The following DYSF variants were observed in gnomAD, a reference collection of about 807,000 sequenced individuals.
DYSF encodes the protein dystrophy-associated fer-1-like 1.
DYSF carries 212 observed loss-of-function variants against 274.9 expected under a neutral mutation model. The ratio of observed to expected loss-of-function variants is 0.77; its 90% CI spans 0.69 to 0.86. The LOEUF (loss-of-function observed/expected upper bound fraction) is 0.86. Among genes scored for constraint, DYSF ranks in the 40% least tolerant of loss-of-function variants. DYSF has a pLI of 0.00. For missense variants in DYSF, 2,666 were observed against 2,783.2 expected (o/e 0.96, Z 0.95); for synonymous variants, 1,091 against 1,078.7 (o/e 1.01, Z -0.22).
chr2:71,633,581 T>C (rs2094349094), intron 41 of DYSF, among the ~76,000 whole-genome samples: 1 of 152,188 alleles, frequency 6.6e-6, no homozygotes, highest in Admixed American at 6.5e-5. Flanking sequence ...TATGTTACTA[T>C]CTTGATGATG....
chr2:71,603,968 C>T (rs1420241113), intron 36 of DYSF, among the ~76,000 whole-genome samples: 1 of 152,206 alleles, frequency 6.6e-6, no homozygotes, highest in East Asian at 1.9e-4. Flanking sequence ...AAAACTGCAG[C>T]TCATGGGCCA....
chr2:71,537,223 G>GTTTTTTT lies in DYSF; in HGVS notation c.1494-1917_1494-1911dup, dbSNP rs71402990. On this transcript the variant is annotated intron_variant, in intron 16 of 55. Transcript: ENST00000410020. ...CAGGAAATTTTTACTTTCTAGTTTT[G>GTTTTTTT]TTTTTTTTTTTTTTTTTTTTTTTGC... is the stretch of plus-strand genomic sequence containing the variant. 8.7e-3 allele frequency among the ~76,000 whole-genome samples: 695 copies of GTTTTTTT among 79,484 alleles called. 10 individuals carry two copies. The highest frequency in any genetic ancestry group is 0.01 in the Non-Finnish European group (424 of 42,192). 52.1% of individuals were successfully genotyped at this position (79,484 alleles called of 152,430 possible). A position where few individuals can be genotyped will look rare whatever the true frequency, so the allele number is the denominator to read the frequency against.
At chr2:71,669,468 A>G (rs978392420) in intron 50 of DYSF, 137 bp from the exon 51 acceptor site, 3 of 1,138,276 alleles carry the variant, frequency 2.6e-6, no homozygotes, top group African/African-American at 3.1e-5. Flanking sequence ...CATTTTGTAC[A>G]TCGTGCCGAT....
chr2:71,672,327 G>A (rs1207121278), intron 51 of DYSF, among the ~76,000 whole-genome samples: 1 of 152,136 alleles, frequency 6.6e-6, no homozygotes, highest in African/African-American at 2.4e-5. Context: ...GAGTCTGGAT[G>A]GGTTCGTGCA....
intron 27 of DYSF, 130 bp downstream of exon 27, chr2:71,570,064 C>A: frequency 9.0e-7 from 1 of 1,106,834 alleles, no homozygotes; most frequent in South Asian, 1.3e-5. Flanking sequence ...CTTTGATTTC[C>A]AAAGGGAAAG....
chr2:71,462,587 G>A (rs1020321956), upstream of DYSF, among the ~76,000 whole-genome samples: 1 of 152,222 alleles, frequency 6.6e-6, no homozygotes, highest in Non-Finnish European at 1.5e-5. Flanking sequence ...CTATGTCCAG[G>A]AAGAATAGGT....
At chr2:71,533,806 G>T (rs141756745) in intron 14 of DYSF, among the ~76,000 whole-genome samples, 3 of 152,360 alleles carry the variant, frequency 2.0e-5, no homozygotes, top group African/African-American at 7.2e-5. Flanking sequence ...TTATGAATCT[G>T]ATGGGTGAGG....
chr2:71,473,389 G>A (rs1270067906), intron 1 of DYSF, among the ~76,000 whole-genome samples: 2 of 152,196 alleles, frequency 1.3e-5, no homozygotes, highest in African/African-American at 4.8e-5. Flanking sequence ...GAAACGCCCT[G>A]CACAAAGTAA....
chr2:71,658,726 G>A, intron 43 of DYSF, 152 bp from the exon 44 acceptor site: 1 of 842,870 alleles, frequency 1.2e-6, no homozygotes, highest in Non-Finnish European at 1.9e-6. Context: ...GGAAAGACTG[G>A]CCCCCATGAT....
intron 36 of DYSF, among the ~76,000 whole-genome samples, 166 bp from the exon 37 acceptor site, chr2:71,611,079 A>T (rs2093748866): frequency 1.3e-5 from 2 of 152,006 alleles, no homozygotes; most frequent in African/African-American, 4.8e-5. Context: ...GCCGAAACTG[A>T]CTTAGCTTTT....
intron 24 of DYSF, among the ~76,000 whole-genome samples, chr2:71,565,762 C>A (rs2092059889): frequency 6.6e-6 from 1 of 152,202 alleles, no homozygotes; most frequent in Non-Finnish European, 1.5e-5. Context: ...GTTGTCTTAT[C>A]ATCTGTAAAA....
At position 71,570,652 on chromosome 2, in the gene DYSF, C is replaced by G. The variant is rs1358370392; in HGVS notation, c.3139C>G (p.Pro1047Ala). The G allele has an allele frequency of 2.9e-5, 46 of 1,614,000 alleles. No individual in the cohort carries two copies. In the Admixed American group the frequency reaches 6.5e-4, roughly 23 times the overall value. The change falls in exon 29 of 56, where the codon CCT becomes GCT. Residue 1047 changes from proline to alanine, a missense_variant. Around this residue, in one of 3 missense-constraint regions of DYSF, gnomAD observed 1,460 missense variants for 1,502.1 expected, o/e 0.97. Coordinates refer to ENST00000410020, the MANE Select transcript of DYSF (RefSeq NM_001130987.2). Reference sequence around the variant, plus strand: ...GGAGCGGAAGCCGAAGCACTGGGTCCCTGCTGAGAAGATGTACTACACACA... The same window carrying G: ...GGAGCGGAAGCCGAAGCACTGGGTCGCTGCTGAGAAGATGTACTACACACA... Reference protein sequence around the residue: ...PPERKPKHWVPAEKMYYTHRR... With the variant: ...PPERKPKHWVAAEKMYYTHRR...
intron 29 of DYSF, 31 bp from the exon 30 acceptor site, chr2:71,574,167 G>C (rs72902605): frequency 6.2e-7 from 1 of 1,609,824 alleles, no homozygotes; most frequent in African/African-American, 1.3e-5. Flanking sequence ...CCTTCCCACC[G>C]GCCTCTGAGT....
chr2:71,528,940 C>G lies in DYSF; in HGVS notation c.1380+539C>G, dbSNP rs570561278. On this transcript the variant is annotated intron_variant, in intron 14 of 55. Coordinates refer to ENST00000410020, the MANE Select transcript of DYSF (RefSeq NM_001130987.2). ...TCTCTCCACACAGGCTGCCCACCCC[C>G]CAGTGTCTGTGCACCCCCCACAGGC... Among the ~76,000 whole-genome samples the G allele has an allele frequency of 3.6e-4, 55 of 152,190 alleles. No homozygotes were observed. In the South Asian group the frequency reaches 0.011, roughly 30 times the overall value.
chr2:71,651,956 A>G (rs1241869253), intron 42 of DYSF, among the ~76,000 whole-genome samples: 15 of 152,218 alleles, frequency 9.9e-5, no homozygotes, highest in Non-Finnish European at 2.2e-4. Flanking sequence ...GATGATTTAT[A>G]AGATCAAGTA....
chr2:71,615,814 C>T lies in DYSF; in HGVS notation c.4464+2404C>T, dbSNP rs2093868637. Among the ~76,000 whole-genome samples, 1 of 152,166 alleles carries T rather than the reference C, an allele frequency of 6.6e-6. No homozygotes were observed. On this transcript the variant is annotated intron_variant, in intron 40 of 55. Coordinates refer to ENST00000410020, the MANE Select transcript of DYSF (RefSeq NM_001130987.2). The surrounding 1 kb of genome is among the most constrained non-coding windows in gnomAD (Gnocchi z 4.9). ...TCTGGGGACAGGAGGGACGAGAGGT[C>T]TGGCAGAATCTGGATTTTGGCTGGC... is the stretch of plus-strand genomic sequence containing the variant.
At chr2:71,663,047 A>ATATTTGTGTGTGTGTGT (rs1306479068) in intron 45 of DYSF, among the ~76,000 whole-genome samples, 1 of 142,836 alleles carries the variant, frequency 7.0e-6, no homozygotes, top group Non-Finnish European at 1.6e-5. Context: ...GTGTGCGCGC[A>ATATTTGTGTGTGTGTGT]CGCGCGTGGT....
At chr2:71,566,871 T>G (rs565794950) in intron 24 of DYSF, among the ~76,000 whole-genome samples, 72 of 152,318 alleles carry the variant, frequency 4.7e-4, no homozygotes, top group African/African-American at 1.5e-3. Flanking sequence ...GCCCTAGCCT[T>G]GGCATGTCCT....
chr2:71,589,739 C>T (rs2093196160), intron 31 of DYSF, 53 bp downstream of exon 31: 2 of 1,491,350 alleles, frequency 1.3e-6, no homozygotes, highest in African/African-American at 2.8e-5. Flanking sequence ...TCACCTTATG[C>T]TTCTGTTTGG....
Sources: allele counts gnomAD v4.1 joint callset (sites outside exome capture counted in the v4.1 genomes callset), GRCh38; gene constraint gnomAD v4.1.1; regional missense constraint gnomAD v4.1.1; non-coding constraint Gnocchi (gnomAD v3.1); transcripts MANE v1.5; gene names NCBI Gene and HGNC (gene_info 2026-07-23, HGNC 2026-07-21).